Variants in RNLS observed in about 807,000 individuals in gnomAD.
The protein encoded by RNLS is renalase, FAD dependent amine oxidase.
RNLS carries 39 observed loss-of-function variants against 39.8 expected under a neutral mutation model. The ratio of observed to expected loss-of-function variants is 0.98; its 90% confidence interval spans 0.76 to 1.28. The LOEUF (loss-of-function observed/expected upper bound fraction) is 1.28. Among genes scored for constraint, RNLS ranks in the 50% most tolerant of loss-of-function variants. RNLS has a pLI of 0.00. For synonymous variants in RNLS, 147 were observed against 150.7 expected, an observed-to-expected ratio of 0.98 and a Z score of 0.18; for missense variants, 410 against 413.3, an observed-to-expected ratio of 0.99 and a Z score of 0.07.
At chr10:88,296,559 C>G (rs1844110136) in intron 6 of RNLS, among the ~76,000 whole-genome samples, 1 of 152,128 alleles carries the variant, frequency 6.6e-6, no homozygotes, top group African/African-American at 2.4e-5. Flanking sequence ...TAGAAACGAA[C>G]TTCCTTCTAC....
At chr10:88,180,059 C>A in the RNLS span, among the ~76,000 whole-genome samples, 1 of 152,206 alleles carries the variant, frequency 6.6e-6, no homozygotes, top group South Asian at 2.1e-4. Flanking sequence ...GGAAACCACA[C>A]TTAGAATGCA....
chr10:88,281,834 T>C (rs748107123), downstream of RNLS, among the ~76,000 whole-genome samples: 6 of 152,064 alleles, frequency 3.9e-5, no homozygotes, highest in Non-Finnish European at 8.8e-5. Flanking sequence ...GGTGATTGCA[T>C]TCATATTCCC....
chr10:88,289,165 G>A (rs762413755), intron 6 of RNLS, among the ~76,000 whole-genome samples: 27 of 152,080 alleles, frequency 1.8e-4, no homozygotes, highest in Middle Eastern at 3.2e-3. Flanking sequence ...CTGAAGAAGT[G>A]GTTTTATTTC....
rs555561422 is a variant in RNLS at position 88,406,177 on chromosome 10, T to G, written c.527-43452A>C. Among the ~76,000 whole-genome samples the G allele has an allele frequency of 2.0e-5, 3 of 152,246 alleles. No homozygotes were observed. In the East Asian group the frequency reaches 5.8e-4, roughly 29 times the overall value. On this transcript the variant is annotated intron_variant, in intron 4 of 6. Transcript: ENST00000331772. ...AAAATTCTTTCCTTTGTCTTAACTT[T>G]GGATAACCTAATGACAATGTGCCTA... is the stretch of plus-strand genomic sequence containing the variant.
At chr10:88,316,452 G>C (rs1845773025) in intron 5 of RNLS, among the ~76,000 whole-genome samples, 1 of 152,190 alleles carries the variant, frequency 6.6e-6, no homozygotes, top group African/African-American at 2.4e-5. Flanking sequence ...GGGTATCAAT[G>C]CCACCCCTCT....
chr10:88,551,341 C>T (rs569396404), intron 4 of RNLS, among the ~76,000 whole-genome samples: 1 of 152,314 alleles, frequency 6.6e-6, no homozygotes, highest in African/African-American at 2.4e-5. Context: ...AAAGAAACCA[C>T]TGCTTCCCCC....
rs1465472249 is a variant in RNLS at position 88,384,500 on chromosome 10, T to C, written c.527-21775A>G. Among the ~76,000 whole-genome samples the C allele has an allele frequency of 3.3e-5, 5 of 152,250 alleles. 1 individual carries two copies. The highest frequency in any genetic ancestry group is 1.2e-4 in the African/African-American group (5 of 41,462). On this transcript the variant is annotated intron_variant, in intron 4 of 6. Transcript: ENST00000331772. ...AAGATGAGATTAAATCATGCTTAAT[T>C]CCCTTACCAGTGTATGACCTTGGGA...
chr10:88,433,176 G>A (rs1391433945), intron 4 of RNLS, among the ~76,000 whole-genome samples: 1 of 152,032 alleles, frequency 6.6e-6, no homozygotes, highest in East Asian at 1.9e-4. Flanking sequence ...GATGACTTGA[G>A]GTAGAAGGAC....
intron 4 of RNLS, among the ~76,000 whole-genome samples, chr10:88,570,012 C>A (rs1028113991): frequency 6.6e-6 from 1 of 152,106 alleles, no homozygotes; most frequent in Non-Finnish European, 1.5e-5. Flanking sequence ...TTCTTCTAAA[C>A]ATTTAGGAAA....
chr10:88,263,788 A>G, the RNLS span, among the ~76,000 whole-genome samples: 2 of 152,174 alleles, frequency 1.3e-5, no homozygotes, highest in Non-Finnish European at 2.9e-5. Context: ...TCATCTGTCC[A>G]AGGAGAATAA....
rs561631959 is a variant in RNLS at position 88,446,053 on chromosome 10, C to A, written c.527-83328G>T. Reference sequence around the variant, plus strand: ...ATCGCACTTATTCCAAAATTGACCACATAGTTGGAAGTAAAGCACTCCTCA... The same window carrying A: ...ATCGCACTTATTCCAAAATTGACCAAATAGTTGGAAGTAAAGCACTCCTCA... On this transcript the variant is annotated intron_variant, in intron 4 of 6. Coordinates refer to ENST00000331772, the MANE Select transcript of RNLS (RefSeq NM_001031709.3). Among the ~76,000 whole-genome samples the A allele has an allele frequency of 1.1e-3, 169 of 152,316 alleles. 1 individual carries two copies. The highest frequency in any genetic ancestry group is 3.9e-3 in the African/African-American group (162 of 41,562).
chr10:88,395,277 A>G (rs1393414284), intron 4 of RNLS, among the ~76,000 whole-genome samples: 3 of 151,242 alleles, frequency 2.0e-5, no homozygotes, highest in African/African-American at 7.3e-5. Flanking sequence ...CAGACATTGT[A>G]CTTACTAGAC....
intron 1 of RNLS, 63 bp downstream of exon 1, chr10:88,583,010 C>CA (rs1850734820): frequency 6.4e-7 from 1 of 1,565,728 alleles, no homozygotes; most frequent in Non-Finnish European, 8.7e-7. Flanking sequence ...TGCAGGCCCA[C>CA]ACCACCTCAG....
At chr10:88,417,693 G>T (rs1209407539) in intron 4 of RNLS, among the ~76,000 whole-genome samples, 3 of 152,158 alleles carry the variant, frequency 2.0e-5, no homozygotes, top group Non-Finnish European at 4.4e-5. Flanking sequence ...ACAATGCCAA[G>T]GACTTTAGCC....
At chr10:88,430,053 G>T (rs1282125369) in intron 4 of RNLS, among the ~76,000 whole-genome samples, 2 of 151,730 alleles carry the variant, frequency 1.3e-5, no homozygotes, top group East Asian at 3.9e-4. Flanking sequence ...AAAACCTGTA[G>T]GGAATTTGAT....
rs1843155705 is a variant in RNLS, at chr10:88,284,768, A to C, written c.*586T>G. ...CTTATACTTTCTGAAAATCTGAAGGAAGGTCTCTTTATCAGTCAAGTTGCC... is the reference window on the plus strand; with the variant it reads ...CTTATACTTTCTGAAAATCTGAAGGCAGGTCTCTTTATCAGTCAAGTTGCC... On this transcript the variant is annotated 3_prime_UTR_variant, in exon 7 of 7. Coordinates refer to ENST00000331772, the MANE Select transcript of RNLS (RefSeq NM_001031709.3). 1 of 985,232 alleles carries C rather than the reference A, an allele frequency of 1.0e-6. No homozygotes were observed. The highest frequency in any genetic ancestry group is 6.2e-5 in the Admixed American group (1 of 16,232). 61.0% of individuals were successfully genotyped at this position (985,232 alleles called of 1,614,324 possible). A position where few individuals can be genotyped will look rare whatever the true frequency, so the allele number is the denominator to read the frequency against.
the RNLS span, among the ~76,000 whole-genome samples, chr10:88,248,266 A>C: frequency 1.2e-4 from 19 of 152,180 alleles, no homozygotes; most frequent in Non-Finnish European, 2.5e-4. Context: ...CCATCTACCT[A>C]CTGTTCTCAA....
chr10:88,277,455 T>C (rs1214375197), intron 6 of RNLS, among the ~76,000 whole-genome samples: 1 of 152,120 alleles, frequency 6.6e-6, no homozygotes, highest in African/African-American at 2.4e-5. Flanking sequence ...TGTGCACAGG[T>C]ACCCTAGAAC....
chr10:88,435,368 A>C (rs1346791917), intron 4 of RNLS, among the ~76,000 whole-genome samples: 1 of 152,130 alleles, frequency 6.6e-6, no homozygotes, highest in East Asian at 1.9e-4. Flanking sequence ...CATCTTCTCC[A>C]TACCACCCCC....
Sources: gnomAD v4.1 joint callset for allele counts (sites outside exome capture counted in the v4.1 genomes callset) on GRCh38, gnomAD v4.1.1 for gene constraint, MANE v1.5 for transcripts, NCBI Gene and HGNC (gene_info 2026-07-23, HGNC 2026-07-21) for gene names.